Variants in SUMF1 observed in about 807,000 individuals in gnomAD.
The protein encoded by SUMF1 is sulfatase modifying factor 1.
Under a neutral mutation model 47.6 loss-of-function variants are expected in SUMF1, and 48 were observed. The ratio of observed to expected loss-of-function variants is 1.01; its 90% confidence interval spans 0.80 to 1.28. The LOEUF is 1.28. Ranked by LOEUF, SUMF1 falls within the 50% of genes most tolerant of loss-of-function variation. SUMF1 has a pLI of 0.00. For missense variants in SUMF1, 571 were observed against 485.4 expected, an observed-to-expected ratio of 1.18 and a Z score of -1.66; for synonymous variants, 230 against 192.1, an observed-to-expected ratio of 1.20 and a Z score of -1.63.
chr3:4,382,377 T>A lies in SUMF1; in HGVS notation c.955-5988A>T, dbSNP rs550046438. ...ACACATCCTACCTAAAGCCTAAATA[T>A]AATCAAGACTTTAAATCTAAACAAA... On this transcript the variant is annotated intron_variant, in intron 7 of 8. Transcript: ENST00000272902. 2.0e-5 allele frequency among the ~76,000 whole-genome samples: 3 copies of A among 150,684 alleles called. No individual in the cohort carries two copies. In the East Asian group the frequency reaches 5.8e-4, roughly 29 times the overall value.
At chr3:4,321,470 T>TAAAAAAAAAAAAAAAAAAAAAAAAAA (rs1206478992) in intron 8 of SUMF1, among the ~76,000 whole-genome samples, 2 of 63,740 alleles carry the variant, frequency 3.1e-5, no homozygotes, top group South Asian at 5.8e-4. Flanking sequence ...AAGGAAATGC[T>TAAAAAAAAAAAAAAAAAAAAAAAAAA]AAAAAAAAAA....
intron 3 of SUMF1, among the ~76,000 whole-genome samples, chr3:4,448,286 G>A (rs993864904): frequency 3.9e-5 from 6 of 152,070 alleles, no homozygotes; most frequent in South Asian, 2.1e-4. Context: ...GGACAGTTTC[G>A]TTTTTCTTGC....
chr3:4,459,925 C>A (rs1389817758), intron 1 of SUMF1, among the ~76,000 whole-genome samples: 1 of 152,124 alleles, frequency 6.6e-6, no homozygotes, highest in Admixed American at 6.5e-5. Context: ...AATTTTCCAA[C>A]TGAAAAGGGC....
chr3:4,182,351 T>A (rs140958747), intron 8 of SUMF1, among the ~76,000 whole-genome samples: 1 of 151,104 alleles, frequency 6.6e-6, no homozygotes, highest in African/African-American at 2.4e-5. Context: ...AATCTGTGCA[T>A]GATAAATCCA....
intron 8 of SUMF1, among the ~76,000 whole-genome samples, chr3:4,091,884 A>AT (rs1188620180): frequency 1.5e-5 from 2 of 136,696 alleles, no homozygotes; most frequent in African/African-American, 5.1e-5. Context: ...TGAGTGTGCA[A>AT]TTTAAAAAAA....
intron 8 of SUMF1, among the ~76,000 whole-genome samples, chr3:4,083,056 G>C (rs1350478078): frequency 6.6e-6 from 1 of 152,146 alleles, no homozygotes; most frequent in East Asian, 1.9e-4. Flanking sequence ...TAGAACATTA[G>C]AGACAATGGC....
intron 8 of SUMF1, among the ~76,000 whole-genome samples, chr3:4,207,776 G>A (rs1695684988): frequency 1.3e-5 from 2 of 152,056 alleles, no homozygotes; most frequent in South Asian, 2.1e-4. Context: ...AAAACATAGC[G>A]ACAGACAAGG....
intron 3 of SUMF1, among the ~76,000 whole-genome samples, chr3:4,432,173 T>C (rs570412365): frequency 6.6e-6 from 1 of 151,904 alleles, no homozygotes; most frequent in East Asian, 1.9e-4. Flanking sequence ...AGTAATTTAT[T>C]CAACCTTTCC....
At chr3:4,049,630 C>A (rs1695068939) in intron 9 of SUMF1, among the ~76,000 whole-genome samples, 1 of 152,120 alleles carries the variant, frequency 6.6e-6, no homozygotes, top group Non-Finnish European at 1.5e-5. Flanking sequence ...AGCCCCAGGG[C>A]AGCATTCAGG....
At chr3:4,096,711 GA>G (rs1290551584) in intron 8 of SUMF1, among the ~76,000 whole-genome samples, 9 of 152,062 alleles carry the variant, frequency 5.9e-5, no homozygotes, top group Admixed American at 5.9e-4. Context: ...GATAAAGCAA[GA>G]AAAACTCTGG....
chr3:4,197,552 G>C (rs951407607), intron 8 of SUMF1, among the ~76,000 whole-genome samples: 5 of 152,120 alleles, frequency 3.3e-5, no homozygotes, highest in African/African-American at 4.8e-5. Context: ...AAATTACCCT[G>C]CTTCTCTGGA....
chr3:4,253,602 G>C (rs1000847990), intron 8 of SUMF1, among the ~76,000 whole-genome samples: 13 of 151,932 alleles, frequency 8.6e-5, no homozygotes, highest in African/African-American at 1.5e-4. Context: ...ACCTGGCTCA[G>C]AGGGTCCTAC....
intron 8 of SUMF1, among the ~76,000 whole-genome samples, chr3:4,198,614 C>T (rs533569206): frequency 2.6e-5 from 4 of 151,984 alleles, no homozygotes; most frequent in Non-Finnish European, 5.9e-5. Context: ...GACAATGGCC[C>T]GACAAAAAGA....
chr3:4,334,574 C>T (rs6799948), intron 8 of SUMF1, among the ~76,000 whole-genome samples: 2 of 152,100 alleles, frequency 1.3e-5, no homozygotes, highest in South Asian at 4.1e-4. Context: ...TTGTGTGACC[C>T]CAAACAGACA....
intron 8 of SUMF1, among the ~76,000 whole-genome samples, chr3:4,256,778 G>C (rs1355398313): frequency 2.0e-5 from 3 of 151,866 alleles, no homozygotes; most frequent in African/African-American, 7.3e-5. Flanking sequence ...GCATCATTCT[G>C]ATACCAAAGC....
intron 8 of SUMF1, among the ~76,000 whole-genome samples, chr3:4,132,480 T>C (rs955210404): frequency 2.6e-5 from 4 of 152,080 alleles, no homozygotes; most frequent in Non-Finnish European, 5.9e-5. Flanking sequence ...CCATCCAATA[T>C]ATGGTACTGT....
chr3:4,448,290 T>C (rs1702852303), intron 3 of SUMF1, among the ~76,000 whole-genome samples: 1 of 152,194 alleles, frequency 6.6e-6, no homozygotes, highest in Non-Finnish European at 1.5e-5. Flanking sequence ...AGTTTCGTTT[T>C]TCTTGCACTG....
chr3:4,287,325 G>T (rs1170189691), intron 8 of SUMF1, among the ~76,000 whole-genome samples: 1 of 151,896 alleles, frequency 6.6e-6, no homozygotes, highest in Non-Finnish European at 1.5e-5. Context: ...TAAAACATCA[G>T]TTGTTCACAG....
rs377438439 is a variant in SUMF1, at chr3:4,268,340, A to G, written c.1014+107990T>C. Among the ~76,000 whole-genome samples, 93 of 152,166 alleles carry G rather than the reference A, an allele frequency of 6.1e-4. 1 individual carries two copies. In the East Asian group the frequency reaches 0.015, roughly 24 times the overall value. ...GGAGATATACCTAATGCTAGATGACAAGTTAGTGGGTGCAGCGCACCAGCA... is the reference window on the plus strand; with the variant it reads ...GGAGATATACCTAATGCTAGATGACGAGTTAGTGGGTGCAGCGCACCAGCA... On this transcript the variant is annotated intron_variant and NMD_transcript_variant, in intron 8 of 12. Transcript: ENST00000448413.
Sources: allele counts gnomAD v4.1 joint callset (sites outside exome capture counted in the v4.1 genomes callset), GRCh38; gene constraint gnomAD v4.1.1; transcripts MANE v1.5; gene names NCBI Gene and HGNC (gene_info 2026-07-23, HGNC 2026-07-21).